Variants in GPR139 observed in about 807,000 individuals in gnomAD.
GPR139 encodes the protein G protein-coupled receptor 139.
GPR139 carries 12 observed loss-of-function variants against 25.8 expected under a neutral mutation model. The observed-to-expected ratio is 0.47, with a 90% CI of 0.30 to 0.75. The LOEUF is 0.75. Among genes scored for constraint, GPR139 ranks in the 30% least tolerant of loss-of-function variants. GPR139 has a pLI of 0.07. For synonymous variants in GPR139, 184 were observed against 179.9 expected (o/e 1.02, Z -0.18); for missense variants, 380 against 450.2 (o/e 0.84, Z 1.41).
intron 1 of GPR139, among the ~76,000 whole-genome samples, chr16:20,057,753 C>T (rs1253330985): frequency 6.6e-6 from 1 of 152,156 alleles, no homozygotes; most frequent in Non-Finnish European, 1.5e-5. Context: ...AATTCAGCAT[C>T]TTTTCAATGT....
intron 1 of GPR139, among the ~76,000 whole-genome samples, chr16:20,052,088 G>T (rs72772733): frequency 0.083 from 12,572 of 152,190 alleles, 600 homozygotes; most frequent in Non-Finnish European, 0.12. Flanking sequence ...AAGAAACCAC[G>T]GTCTTTCAAG....
At chr16:20,054,009 T>G (rs910691736) in intron 1 of GPR139, among the ~76,000 whole-genome samples, 4 of 152,176 alleles carry the variant, frequency 2.6e-5, no homozygotes, top group Admixed American at 2.6e-4. Flanking sequence ...AGATGCATTC[T>G]GTCTTGTTTC....
At chr16:20,057,374 A>G (rs1311892274) in intron 1 of GPR139, among the ~76,000 whole-genome samples, 1 of 152,180 alleles carries the variant, frequency 6.6e-6, no homozygotes, top group Non-Finnish European at 1.5e-5. Context: ...GCTCAGAGTA[A>G]GTACTCAAAT....
At chr16:20,062,438 C>A (rs1364891026) in intron 1 of GPR139, among the ~76,000 whole-genome samples, 1 of 152,162 alleles carries the variant, frequency 6.6e-6, no homozygotes, top group Non-Finnish European at 1.5e-5. Context: ...TGATCTCAGA[C>A]TTGAGGGGAA....
chr16:20,065,752 A>G (rs927064100), intron 1 of GPR139, among the ~76,000 whole-genome samples: 4 of 152,028 alleles, frequency 2.6e-5, no homozygotes, highest in African/African-American at 9.7e-5. Context: ...GCATGGCTGT[A>G]ATTCCAGCTG....
intron 1 of GPR139, among the ~76,000 whole-genome samples, chr16:20,048,428 C>T (rs2057361039): frequency 6.6e-6 from 1 of 152,194 alleles, no homozygotes; most frequent in Non-Finnish European, 1.5e-5. Flanking sequence ...GTGCTGAGAA[C>T]TTGCTAAATA....
Position 20,073,617 on chromosome 16 carries a change from G to A in GPR139, c.-1C>T. ...CGAGGTGGGCGTGCGTGTGCTCCAT[G>A]AGCGCGCCCCTCGCTCCCCTTGCCG... On this transcript the variant is annotated 5_prime_UTR_variant, in exon 1 of 2. Coordinates refer to ENST00000570682, the MANE Select transcript of GPR139 (RefSeq NM_001002911.4). This position sits in a 1 kb window ranked among gnomAD's most constrained non-coding sequence, Gnocchi z 4.7. 6.3e-7 allele frequency: 1 copy of A among 1,598,926 alleles called. No homozygotes were observed. The highest frequency in any genetic ancestry group is 8.5e-7 in the Non-Finnish European group (1 of 1,172,858).
rs551678659 is a variant in GPR139, at chr16:20,063,903, T to G, written c.127+9587A>C. On this transcript the variant is annotated intron_variant, in intron 1 of 1. Coordinates refer to ENST00000570682, the MANE Select transcript of GPR139 (RefSeq NM_001002911.4). ...TAGGTAATTTATAAAGGAAAGAGAT[T>G]TAATTGACTCACAGTTCCACATGGC... Among the ~76,000 whole-genome samples the G allele has an allele frequency of 3.4e-3, 515 of 152,258 alleles. 2 individuals carry two copies. The highest frequency in any genetic ancestry group is 0.012 in the African/African-American group (499 of 41,542).
intron 1 of GPR139, among the ~76,000 whole-genome samples, chr16:20,052,128 C>T (rs1476676995): frequency 6.6e-6 from 1 of 152,188 alleles, no homozygotes; most frequent in African/African-American, 2.4e-5. Flanking sequence ...TCACTCCAGC[C>T]CCTGGGCCTT....
Position 20,029,902 on chromosome 16 carries a change from G to C in GPR139, c.*1833C>G, listed in dbSNP as rs2057281299. Among the ~76,000 whole-genome samples the C allele has an allele frequency of 6.6e-6, 1 of 152,196 alleles. No individual in the cohort carries two copies. The highest frequency in any genetic ancestry group is 1.5e-5 in the Non-Finnish European group (1 of 68,046). On this transcript the variant is annotated 3_prime_UTR_variant, in exon 2 of 2. Coordinates refer to ENST00000570682, the MANE Select transcript of GPR139 (RefSeq NM_001002911.4). Reference sequence around the variant, plus strand: ...CTAGAGAAAAACTTAGCTGTGTTAGGTTTTGAAAGCAATGGAATATAATCT... The same window carrying C: ...CTAGAGAAAAACTTAGCTGTGTTAGCTTTTGAAAGCAATGGAATATAATCT...
chr16:20,065,394 C>T (rs961897986), intron 1 of GPR139, among the ~76,000 whole-genome samples: 4 of 152,162 alleles, frequency 2.6e-5, no homozygotes, highest in Admixed American at 6.5e-5. Flanking sequence ...CCACTTCTCT[C>T]GACCTGGTCT....
intron 1 of GPR139, among the ~76,000 whole-genome samples, chr16:20,071,390 G>A (rs187791444): frequency 7.4e-4 from 112 of 152,298 alleles, no homozygotes; most frequent in Middle Eastern, 3.4e-3. Flanking sequence ...TCTTCTTTAG[G>A]TTGCTTGGTC....
chr16:20,041,631 G>A lies in GPR139; in HGVS notation c.128-8962C>T, dbSNP rs576172305. 3.3e-5 allele frequency among the ~76,000 whole-genome samples: 5 copies of A among 152,264 alleles called. No individual in the cohort carries two copies. In the East Asian group the frequency reaches 7.8e-4, roughly 24 times the overall value. On this transcript the variant is annotated intron_variant, in intron 1 of 1. Transcript: ENST00000570682. Reference sequence around the variant, plus strand: ...TCTTTTAGCTTCTGCAGAAGGTGCTGGGAGGTCTCCAGGAGGTTCGGTGTT... The same window carrying A: ...TCTTTTAGCTTCTGCAGAAGGTGCTAGGAGGTCTCCAGGAGGTTCGGTGTT...
rs762439043 is a variant in GPR139, at chr16:20,032,575, G to C, written c.222C>G (p.Ile74Met). 18 of 1,614,144 alleles carry C rather than the reference G, an allele frequency of 1.1e-5. No homozygotes were observed. The highest frequency in any genetic ancestry group is 1.5e-5 in the Non-Finnish European group (18 of 1,179,988). The change falls in exon 2 of 2, where the codon ATC becomes ATG. Residue 74 changes from isoleucine (I) to methionine (M), a missense_variant. Physicochemically the swap from Ile to Met is conservative, Grantham distance 10 (BLOSUM62 1). Coordinates refer to ENST00000570682, the MANE Select transcript of GPR139 (RefSeq NM_001002911.4). The stretch of plus-strand genomic sequence containing the variant: ...CAAACACTATGAAAAAGAGGACCAA[G>C]ATGTCGGCAGCAGCGAGTGCCAAGA... ...NYLLALAAAD[I>M]LVLFFIVFVD...
chr16:20,048,924 A>T (rs1275190431), intron 1 of GPR139, among the ~76,000 whole-genome samples: 2 of 152,156 alleles, frequency 1.3e-5, no homozygotes, highest in African/African-American at 2.4e-5. Flanking sequence ...CCTCCATAGC[A>T]TTGCATGGGC....
chr16:20,069,737 A>G (rs550767420), intron 1 of GPR139, among the ~76,000 whole-genome samples: 1 of 152,150 alleles, frequency 6.6e-6, no homozygotes, highest in South Asian at 2.1e-4. Context: ...TCTCAGTTTA[A>G]TTTCACACTG....
In GPR139 at chr16:20,031,916, G is replaced by T; in HGVS notation, c.881C>A (p.Thr294Asn). ...LYCFISKRFR[T>N]MAAATLKAFF... Reference sequence around the variant, plus strand: ...AGCCTTGAGCGTGGCGGCTGCCATGGTGCGGAACCGCTTGCTGATGAAGCA... The same window carrying T: ...AGCCTTGAGCGTGGCGGCTGCCATGTTGCGGAACCGCTTGCTGATGAAGCA... Residue 294 changes from threonine (T) to asparagine (N), a missense_variant, in exon 2 of 2, where the codon ACC becomes AAC. Physicochemically the swap from Thr to Asn is moderately conservative, Grantham distance 65 (BLOSUM62 0). Transcript: ENST00000570682. The T allele has an allele frequency of 1.2e-6, 2 of 1,614,248 alleles. No individual in the cohort carries two copies. Among genetic ancestry groups the T allele is most frequent in the Non-Finnish European group, 1.7e-6 (2 of 1,180,054 alleles).
At chr16:20,058,591 C>A (rs1176835179) in intron 1 of GPR139, among the ~76,000 whole-genome samples, 1 of 152,140 alleles carries the variant, frequency 6.6e-6, no homozygotes, top group Non-Finnish European at 1.5e-5. Flanking sequence ...GCTATGTCTG[C>A]CATTTTCAAG....
At chr16:20,054,791 G>A (rs917863402) in intron 1 of GPR139, among the ~76,000 whole-genome samples, 2 of 151,824 alleles carry the variant, frequency 1.3e-5, no homozygotes, top group African/African-American at 2.4e-5. Context: ...GCAGTAGTGC[G>A]ATCTTGGCTC....
Sources: gnomAD v4.1 joint callset for allele counts (sites outside exome capture counted in the v4.1 genomes callset) on GRCh38, gnomAD v4.1.1 for gene constraint, Gnocchi (gnomAD v3.1) non-coding constraint, MANE v1.5 for transcripts, NCBI Gene and HGNC (gene_info 2026-07-23, HGNC 2026-07-21) for gene names.